Variants in NRXN3 observed in about 807,000 individuals in gnomAD.
The protein encoded by NRXN3 is neurexin III.
A neutral mutation model predicts 137.6 loss-of-function variants in NRXN3; 32 were observed. The ratio of observed to expected loss-of-function variants is 0.23; its 90% CI spans 0.18 to 0.31. NRXN3 has a LOEUF of 0.31. Ranked by LOEUF, NRXN3 falls within the 10% of genes least tolerant of loss-of-function variation. The probability of loss-of-function intolerance (pLI) is 1.00; values close to 1 mark genes in which losing one functional copy is unlikely to be tolerated. For synonymous variants in NRXN3, 798 were observed against 784.5 expected, an observed-to-expected ratio of 1.02 and a Z score of -0.29; for missense variants, 1,574 against 2,062.5, an observed-to-expected ratio of 0.76 and a Z score of 4.59.
chr14:78,530,828 C>T (rs918194781), intron 4 of NRXN3, among the ~76,000 whole-genome samples: 1 of 152,198 alleles, frequency 6.6e-6, no homozygotes, highest in Non-Finnish European at 1.5e-5. Flanking sequence ...GACTAATTCT[C>T]AGTGCCTGTT....
chr14:79,108,863 A>G (rs909619794), intron 15 of NRXN3, among the ~76,000 whole-genome samples: 1 of 152,166 alleles, frequency 6.6e-6, no homozygotes, highest in African/African-American at 2.4e-5. Flanking sequence ...CTGCTGTCAG[A>G]AAACTGGGAG....
chr14:79,444,479 A>G (rs1487765341), intron 15 of NRXN3, among the ~76,000 whole-genome samples: 1 of 152,236 alleles, frequency 6.6e-6, no homozygotes, highest in African/African-American at 2.4e-5. Context: ...TTAATAACAG[A>G]CAAAATAGAA....
chr14:79,024,603 T>C (rs979062662), intron 15 of NRXN3, among the ~76,000 whole-genome samples: 2 of 152,130 alleles, frequency 1.3e-5, no homozygotes, highest in Non-Finnish European at 2.9e-5. Context: ...GTTCAGAACA[T>C]CATTTTAGTG....
chr14:78,592,577 A>G (rs1222180789), intron 4 of NRXN3, among the ~76,000 whole-genome samples: 1 of 152,234 alleles, frequency 6.6e-6, no homozygotes, highest in African/African-American at 2.4e-5. Context: ...GTGAGAGAAT[A>G]TAATTGTCTA....
At chr14:78,901,087 C>T (rs2152742267) in intron 10 of NRXN3, among the ~76,000 whole-genome samples, 1 of 152,092 alleles carries the variant, frequency 6.6e-6, no homozygotes, top group Middle Eastern at 3.4e-3. Context: ...AAACAAATGA[C>T]ATAAAAATAT....
At chr14:79,557,908 C>T (rs549379981) in intron 16 of NRXN3, among the ~76,000 whole-genome samples, 7 of 152,232 alleles carry the variant, frequency 4.6e-5, no homozygotes, top group African/African-American at 1.7e-4. Flanking sequence ...GGAGTCCATC[C>T]TCTCAAACCC....
At chr14:78,862,743 G>C (rs922054099) in intron 10 of NRXN3, among the ~76,000 whole-genome samples, 1 of 152,018 alleles carries the variant, frequency 6.6e-6, no homozygotes, top group African/African-American at 2.4e-5. Context: ...GTACAAAAAA[G>C]TAGATAACAC....
At chr14:78,218,551 TTCTC>T (rs897552084) in intron 1 of NRXN3, among the ~76,000 whole-genome samples, 7 of 152,204 alleles carry the variant, frequency 4.6e-5, no homozygotes, top group South Asian at 2.1e-4. Context: ...GGGATACTAA[TTCTC>T]TCTAAGAACT....
chr14:78,312,836 T>C (rs1195377465), intron 4 of NRXN3, among the ~76,000 whole-genome samples: 1 of 152,182 alleles, frequency 6.6e-6, no homozygotes, highest in African/African-American at 2.4e-5. Context: ...TAGAACTAGA[T>C]AGATAAAATG....
chr14:78,890,345 G>A (rs1392954694), intron 10 of NRXN3, among the ~76,000 whole-genome samples: 1 of 151,890 alleles, frequency 6.6e-6, no homozygotes, highest in Non-Finnish European at 1.5e-5. Context: ...ACTGAATTAT[G>A]AAAATATCAT....
chr14:78,769,830 A>G (rs571673541), intron 8 of NRXN3, among the ~76,000 whole-genome samples: 1 of 152,346 alleles, frequency 6.6e-6, no homozygotes, highest in East Asian at 1.9e-4. Flanking sequence ...GAGCAAATGC[A>G]TAGAGACAAG....
intron 4 of NRXN3, among the ~76,000 whole-genome samples, chr14:78,301,771 G>A (rs1421513502): frequency 6.6e-6 from 1 of 152,164 alleles, no homozygotes; most frequent in African/African-American, 2.4e-5. Context: ...GATGGCTATC[G>A]CTTATTTGAG....
intron 15 of NRXN3, among the ~76,000 whole-genome samples, chr14:79,076,299 C>T (rs2045958541): frequency 6.6e-6 from 1 of 152,146 alleles, no homozygotes; most frequent in Non-Finnish European, 1.5e-5. Context: ...AACGTAGCAG[C>T]TCAAAAATCA....
At chr14:78,711,424 A>G (rs1362636177) in intron 7 of NRXN3, among the ~76,000 whole-genome samples, 1 of 130,522 alleles carries the variant, frequency 7.7e-6, no homozygotes, top group Non-Finnish European at 1.6e-5. Context: ...GCACTGGCTA[A>G]TTCTTTTCTC....
At chr14:79,475,237 G>A (rs867063850) in intron 16 of NRXN3, among the ~76,000 whole-genome samples, 1 of 152,072 alleles carries the variant, frequency 6.6e-6, no homozygotes. Flanking sequence ...GTACAATAAT[G>A]CAATCATAAA....
intron 4 of NRXN3, among the ~76,000 whole-genome samples, chr14:78,547,431 C>G (rs2096647076): frequency 6.6e-6 from 1 of 152,036 alleles, no homozygotes; most frequent in South Asian, 2.1e-4. Flanking sequence ...ATCTCCTGAC[C>G]TCGTGATCCA....
At position 78,243,032 on chromosome 14, in the gene NRXN3, A is replaced by C; in HGVS notation, c.-62A>C. On this transcript the variant is annotated 5_prime_UTR_variant, in exon 2 of 21. Transcript: ENST00000335750. The surrounding 1 kb of genome is among the most constrained non-coding windows in gnomAD (Gnocchi z 4.2). ...TTCCCACTTCTATTGCCAAAGGGAG[A>C]GATCCTCTCCGGGCTGTTCCCTGGC... is the stretch of plus-strand genomic sequence containing the variant. 1 of 1,235,122 alleles carries C rather than the reference A, an allele frequency of 8.1e-7. No homozygotes were observed. The highest frequency in any genetic ancestry group is 1.1e-6 in the Non-Finnish European group (1 of 912,918). The allele number at this position is 1,235,122 out of a possible 1,614,324, so 76.5% of individuals were successfully genotyped here. A position where few individuals can be genotyped will look rare whatever the true frequency, so the allele number is the denominator to read the frequency against.
chr14:79,332,968 GT>G (rs1189442239), intron 15 of NRXN3, among the ~76,000 whole-genome samples: 2 of 152,082 alleles, frequency 1.3e-5, no homozygotes, highest in Admixed American at 6.6e-5. Flanking sequence ...ATAAACTAGA[GT>G]TTTATCCTTA....
At chr14:79,216,095 G>A (rs1379013746) in intron 15 of NRXN3, among the ~76,000 whole-genome samples, 1 of 152,186 alleles carries the variant, frequency 6.6e-6, no homozygotes. Flanking sequence ...GGGAAGAACT[G>A]AGGAGCTAGA....
Sources: allele counts gnomAD v4.1 joint callset (sites outside exome capture counted in the v4.1 genomes callset), GRCh38; gene constraint gnomAD v4.1.1; non-coding constraint Gnocchi (gnomAD v3.1); transcripts MANE v1.5; gene names NCBI Gene and HGNC (gene_info 2026-07-23, HGNC 2026-07-21).